The following TENM2 variants were observed in gnomAD, a reference collection of about 807,000 sequenced individuals.
TENM2 encodes the protein teneurin-2.
TENM2 carries 52 observed loss-of-function variants against 245.2 expected under a neutral mutation model. The ratio of observed to expected loss-of-function variants is 0.21; its 90% CI spans 0.17 to 0.27. The LOEUF (loss-of-function observed/expected upper bound fraction) is 0.27, where lower values mean the gene tolerates loss of function less well. Ranked by LOEUF, TENM2 falls within the 10% of genes least tolerant of loss-of-function variation. The pLI is 1.00. For synonymous variants in TENM2, 1,363 were observed against 1,438.9 expected (o/e 0.95, Z 1.19); for missense variants, 3,046 against 3,666.8 (o/e 0.83, Z 4.37).
intron 2 of TENM2, among the ~76,000 whole-genome samples, chr5:167,576,363 G>A (rs13160227): frequency 0.52 from 77,494 of 150,368 alleles, 23,364 homozygotes; most frequent in Middle Eastern, 0.67. Context: ...AAAAAGAAAT[G>A]CAGTAGACTT....
At chr5:167,564,938 G>C (rs1362399706) in intron 2 of TENM2, among the ~76,000 whole-genome samples, 6 of 152,198 alleles carry the variant, frequency 3.9e-5, no homozygotes, top group African/African-American at 1.4e-4. Context: ...CAGTATGAGA[G>C]AGAACTATAC....
chr5:167,658,400 G>A (rs980070708), intron 2 of TENM2, among the ~76,000 whole-genome samples: 1 of 151,976 alleles, frequency 6.6e-6, no homozygotes, highest in East Asian at 1.9e-4. Flanking sequence ...TAGAGATGGG[G>A]TTTCATAATG....
chr5:168,057,866 T>A (rs1266671571), intron 6 of TENM2, among the ~76,000 whole-genome samples: 1 of 151,766 alleles, frequency 6.6e-6, no homozygotes, highest in Non-Finnish European at 1.5e-5. Context: ...GGTGGGAGAG[T>A]GGTGGGTAGC....
At chr5:167,684,901 C>T (rs565948585) in intron 2 of TENM2, among the ~76,000 whole-genome samples, 15 of 152,254 alleles carry the variant, frequency 9.9e-5, no homozygotes, top group African/African-American at 3.6e-4. Context: ...GAGCTGAAGC[C>T]GTGAGCCTAA....
At chr5:168,114,753 G>GT (rs931879480) in intron 9 of TENM2, among the ~76,000 whole-genome samples, 6 of 152,168 alleles carry the variant, frequency 3.9e-5, no homozygotes, top group Non-Finnish European at 7.4e-5. Context: ...ACATCACAGT[G>GT]TTTTTGCATT....
At chr5:167,143,616 T>C in the TENM2 span, among the ~76,000 whole-genome samples, 1 of 152,198 alleles carries the variant, frequency 6.6e-6, no homozygotes, top group Non-Finnish European at 1.5e-5. Flanking sequence ...TAGTAGCAGA[T>C]TTTGAGTAGG....
chr5:167,379,931 C>CAA (rs10622295), intron 2 of TENM2, among the ~76,000 whole-genome samples: 24,561 of 132,036 alleles, frequency 0.19, 2,301 homozygotes, highest in Non-Finnish European at 0.2. Flanking sequence ...AAAAACATAC[C>CAA]AAAAAAAAAA....
chr5:167,801,998 G>A (rs574021714), intron 2 of TENM2, among the ~76,000 whole-genome samples: 1 of 152,244 alleles, frequency 6.6e-6, no homozygotes, highest in Admixed American at 6.5e-5. Context: ...AGATTAGCGT[G>A]CTGGCAGGTT....
At chr5:167,650,711 T>C (rs1754402253) in intron 2 of TENM2, among the ~76,000 whole-genome samples, 2 of 151,998 alleles carry the variant, frequency 1.3e-5, no homozygotes, top group Admixed American at 1.3e-4. Flanking sequence ...AAAAGGCGAG[T>C]ATTTTTACTG....
At chr5:167,929,081 GA>G in intron 3 of TENM2, among the ~76,000 whole-genome samples, 1 of 73,088 alleles carries the variant, frequency 1.4e-5, no homozygotes, top group Non-Finnish European at 2.6e-5. Flanking sequence ...AAGAAAGAAA[GA>G]AAGAAAGAAA....
the TENM2 span, among the ~76,000 whole-genome samples, chr5:167,074,527 C>T: frequency 2.0e-5 from 3 of 152,130 alleles, no homozygotes; most frequent in African/African-American, 7.2e-5. Context: ...TCTCATGAGG[C>T]TGTGGTGACA....
At chr5:167,371,358 CTT>C (rs35083581) in intron 1 of TENM2, among the ~76,000 whole-genome samples, 2 of 119,954 alleles carry the variant, frequency 1.7e-5, no homozygotes. Context: ...TCTTTCTTTT[CTT>C]TTTTTTTTTT....
chr5:168,055,597 GC>G (rs2152071308), intron 6 of TENM2, among the ~76,000 whole-genome samples: 1 of 152,274 alleles, frequency 6.6e-6, no homozygotes. Flanking sequence ...TTTATTAAGG[GC>G]TACTCCACCC....
intron 2 of TENM2, among the ~76,000 whole-genome samples, chr5:167,532,521 C>T (rs374340870): frequency 4.6e-5 from 7 of 151,834 alleles, no homozygotes; most frequent in South Asian, 2.1e-4. Context: ...CAGGGGAACT[C>T]CCGTTTTTAA....
intron 2 of TENM2, among the ~76,000 whole-genome samples, chr5:167,604,067 C>T (rs138464675): frequency 6.6e-6 from 1 of 151,976 alleles, no homozygotes; most frequent in African/African-American, 2.4e-5. Flanking sequence ...AATATACTAG[C>T]CTTGTTTCTG....
At chr5:167,001,840 T>G in the TENM2 span, among the ~76,000 whole-genome samples, 6 of 152,260 alleles carry the variant, frequency 3.9e-5, no homozygotes, top group African/African-American at 1.4e-4. Context: ...CTCTTTTTTT[T>G]TAATGTAGGC....
chr5:167,347,806 G>A (rs1161078351), intron 1 of TENM2, among the ~76,000 whole-genome samples: 2 of 151,958 alleles, frequency 1.3e-5, no homozygotes, highest in Admixed American at 1.3e-4. Context: ...TACTGTTGTA[G>A]GTGCTGACAA....
chr5:167,282,043 A>T (rs1771097382), upstream of TENM2, among the ~76,000 whole-genome samples: 1 of 151,078 alleles, frequency 6.6e-6, no homozygotes, highest in African/African-American at 2.4e-5. Context: ...TTAAGCTTCC[A>T]CTCTGAGCAT....
chr5:167,593,416 A>T (rs1776005255), intron 2 of TENM2, among the ~76,000 whole-genome samples: 1 of 152,122 alleles, frequency 6.6e-6, no homozygotes, highest in Admixed American at 6.5e-5. Context: ...TGGCTTGGTC[A>T]TTTTCTTATG....
Sources: gnomAD v4.1 joint callset for allele counts (sites outside exome capture counted in the v4.1 genomes callset) on GRCh38, gnomAD v4.1.1 for gene constraint, MANE v1.5 for transcripts, NCBI Gene and HGNC (gene_info 2026-07-23, HGNC 2026-07-21) for gene names.